The following UGT2A1 variants were observed in gnomAD, a reference collection of about 807,000 sequenced individuals.
UGT2A1 encodes UDP-glucuronosyltransferase 2A1.
Under a neutral mutation model 45.4 loss-of-function variants are expected in UGT2A1, and 61 were observed. The observed-to-expected ratio is 1.34, with a 90% CI of 1.09 to 1.66. The LOEUF is 1.66. Among genes scored for constraint, UGT2A1 ranks in the 40% most tolerant of loss-of-function variants. UGT2A1 has a pLI of 0.00. For missense variants in UGT2A1, 649 were observed against 574.3 expected, an observed-to-expected ratio of 1.13 and a Z score of -1.33; for synonymous variants, 229 against 196.2, an observed-to-expected ratio of 1.17 and a Z score of -1.40.
chr4:69,633,070 A>G (rs1239786803), intron 3 of UGT2A1, among the ~76,000 whole-genome samples: 1 of 152,262 alleles, frequency 6.6e-6, no homozygotes, highest in East Asian at 1.9e-4. Context: ...AAAGTGAGTA[A>G]GAATGAAGAA....
chr4:69,596,402 C>A, intron 4 of UGT2A1: 1 of 1,540,586 alleles, frequency 6.5e-7, no homozygotes, highest in Non-Finnish European at 8.8e-7. Flanking sequence ...AATATATTTT[C>A]TATTACAAAG....
chr4:69,652,691 T>C (rs1722596851), intron 1 of UGT2A1, among the ~76,000 whole-genome samples: 1 of 152,200 alleles, frequency 6.6e-6, no homozygotes, highest in South Asian at 2.1e-4. Flanking sequence ...TAAAAATCCA[T>C]TAAACAATAT....
At chr4:69,618,539 G>A (rs1052143883) in intron 3 of UGT2A1, among the ~76,000 whole-genome samples, 2 of 151,886 alleles carry the variant, frequency 1.3e-5, no homozygotes, top group African/African-American at 4.8e-5. Context: ...GCCGTTGAAT[G>A]AGAATTTAAA....
chr4:69,597,382 T>C (rs1718990704), intron 4 of UGT2A1, among the ~76,000 whole-genome samples: 1 of 152,196 alleles, frequency 6.6e-6, no homozygotes, highest in Non-Finnish European at 1.5e-5. Flanking sequence ...TATAAATTTG[T>C]CTGCCAATAA....
intron 6 of UGT2A1, among the ~76,000 whole-genome samples, chr4:69,593,584 T>C (rs1718712663): frequency 6.6e-6 from 1 of 151,482 alleles, no homozygotes; most frequent in African/African-American, 2.4e-5. Context: ...TACTAAGCTA[T>C]GTATACATAA....
chr4:69,615,275 G>A lies in UGT2A1; in HGVS notation c.848-15881C>T, dbSNP rs149946923. Among the ~76,000 whole-genome samples the A allele has an allele frequency of 6.8e-3, 1,035 of 151,924 alleles. 14 individuals are homozygous for A. Among genetic ancestry groups the A allele is most frequent in the African/African-American group, 0.022 (923 of 41,468 alleles). The stretch of plus-strand genomic sequence containing the variant: ...GTTAAATCTCACTGATTTAAAACCC[G>A]AAACTTTGAGGAAACACTAAGACAA... On this transcript the variant is annotated intron_variant, in intron 3 of 6. Coordinates refer to ENST00000286604, the MANE Select transcript of UGT2A1 (RefSeq NM_001252275.3).
chr4:69,647,551 G>A lies in UGT2A1; in HGVS notation c.94C>T (p.His32Tyr). ...ATAATTATCTTAACATTTAGCCAATGACTACCTTCCATTGGCCAAATCAAA... is the reference window on the plus strand; with the variant it reads ...ATAATTATCTTAACATTTAGCCAATAACTACCTTCCATTGGCCAAATCAAA... The part of the protein sequence containing the change: ...NVLIWPMEGS[H>Y]WLNVKIIIDE... Residue 32 changes from histidine (H) to tyrosine (Y), a missense_variant, in exon 2 of 7, where the codon CAT (histidine) becomes TAT (tyrosine). Transcript: ENST00000286604. The A allele has an allele frequency of 1.2e-6, 2 of 1,612,450 alleles. No homozygotes were observed. The highest frequency in any genetic ancestry group is 1.7e-6 in the Non-Finnish European group (2 of 1,179,126).
intron 3 of UGT2A1, among the ~76,000 whole-genome samples, chr4:69,604,332 A>G (rs1719472994): frequency 7.4e-6 from 1 of 135,682 alleles, no homozygotes; most frequent in Non-Finnish European, 1.6e-5. Context: ...TCATAAGAGG[A>G]GAAGGAGAAA....
chr4:69,649,521 A>G (rs541348367), intron 1 of UGT2A1, among the ~76,000 whole-genome samples: 1 of 152,172 alleles, frequency 6.6e-6, no homozygotes, highest in South Asian at 2.1e-4. Context: ...GGTGCTATTG[A>G]GAGAGGAGAA....
chr4:69,610,601 T>G (rs1719977716), intron 3 of UGT2A1, among the ~76,000 whole-genome samples: 1 of 152,202 alleles, frequency 6.6e-6, no homozygotes, highest in Admixed American at 6.5e-5. Context: ...CTGACTGTAT[T>G]TGAAGATAAG....
chr4:69,616,063 A>T (rs1490125474), intron 3 of UGT2A1, among the ~76,000 whole-genome samples: 1 of 152,056 alleles, frequency 6.6e-6, no homozygotes, highest in Non-Finnish European at 1.5e-5. Flanking sequence ...ATTTGCAATA[A>T]CTTGGATGAA....
chr4:69,595,433 T>C (rs1156685171), intron 4 of UGT2A1, among the ~76,000 whole-genome samples, 184 bp from the exon 5 acceptor site: 1 of 152,254 alleles, frequency 6.6e-6, no homozygotes, highest in Non-Finnish European at 1.5e-5. Flanking sequence ...AGTCTTGTAC[T>C]AATAGTCTAC....
chr4:69,605,361 C>A (rs1719546443), intron 3 of UGT2A1, among the ~76,000 whole-genome samples: 2 of 136,914 alleles, frequency 1.5e-5, no homozygotes, highest in South Asian at 4.7e-4. Flanking sequence ...TAAAGATGTT[C>A]TTTGAAACTA....
intron 1 of UGT2A1, among the ~76,000 whole-genome samples, chr4:69,651,890 A>G (rs1722541040): frequency 6.6e-6 from 1 of 152,214 alleles, no homozygotes; most frequent in Non-Finnish European, 1.5e-5. Flanking sequence ...GGCACTGCAC[A>G]TGTGGGCAGC....
At chr4:69,642,944 GT>G (rs748870420) in intron 2 of UGT2A1, among the ~76,000 whole-genome samples, 19 of 149,822 alleles carry the variant, frequency 1.3e-4, no homozygotes, top group Non-Finnish European at 2.2e-4. Flanking sequence ...CAGTTTTGGT[GT>G]TTTTTTTTAA....
At chr4:69,639,196 G>A in intron 2 of UGT2A1, 1 of 1,613,678 alleles carries the variant, frequency 6.2e-7, no homozygotes, top group African/African-American at 1.3e-5. Flanking sequence ...CCACCTTTCT[G>A]AAGTCTTGCC....
chr4:69,612,368 C>T (rs1217740142), intron 3 of UGT2A1, among the ~76,000 whole-genome samples: 3 of 151,908 alleles, frequency 2.0e-5, no homozygotes, highest in Non-Finnish European at 4.4e-5. Context: ...TGTCAAACTA[C>T]CAAAATCATC....
intron 3 of UGT2A1, among the ~76,000 whole-genome samples, chr4:69,615,845 T>C (rs1179640189): frequency 6.7e-6 from 1 of 149,986 alleles, no homozygotes; most frequent in African/African-American, 2.4e-5. Context: ...TGGAGAAGAG[T>C]GTGGATATTT....
chr4:69,650,899 T>C (rs1017442228), intron 1 of UGT2A1, among the ~76,000 whole-genome samples: 2 of 152,160 alleles, frequency 1.3e-5, no homozygotes, highest in African/African-American at 4.8e-5. Flanking sequence ...AAAGGTATGA[T>C]ATTTGATATT....
Sources: gnomAD v4.1 joint callset for allele counts (sites outside exome capture counted in the v4.1 genomes callset) on GRCh38, gnomAD v4.1.1 for gene constraint, MANE v1.5 for transcripts, NCBI Gene and HGNC (gene_info 2026-07-23, HGNC 2026-07-21) for gene names.